TRIM2: variants seen among roughly 807,000 people sequenced by gnomAD.
The protein encoded by TRIM2 is tripartite motif-containing protein 2.
TRIM2 carries 20 observed loss-of-function variants against 75.2 expected under a neutral mutation model. The ratio of observed to expected loss-of-function variants is 0.27; its 90% CI spans 0.19 to 0.39. TRIM2 has a LOEUF of 0.39. TRIM2 is among the 10% of genes least tolerant of loss of function. The probability of loss-of-function intolerance (pLI) is 1.00; values close to 1 mark genes in which losing one functional copy is unlikely to be tolerated. For synonymous variants in TRIM2, 373 were observed against 388.3 expected (o/e 0.96, Z 0.46); for missense variants, 660 against 990.8 (o/e 0.67, Z 4.48).
rs10016253 is a variant in TRIM2, at chr4:153,253,673, G to C, written c.31-16662G>C. 8.6e-3 allele frequency among the ~76,000 whole-genome samples: 1,316 copies of C among 152,266 alleles called. 20 individuals are homozygous for C. The highest frequency in any genetic ancestry group is 0.03 in the African/African-American group (1,247 of 41,532). On this transcript the variant is annotated intron_variant, in intron 1 of 11. Coordinates refer to ENST00000338700, the MANE Select transcript of TRIM2 (RefSeq NM_015271.5). ...CATACAGACCTTGCTGATAAAACAG[G>C]TTGTAGTAAAGGAGCCGGCCCAAAC...
chr4:153,316,320 A>T (rs1767576542), intron 8 of TRIM2, among the ~76,000 whole-genome samples: 2 of 152,232 alleles, frequency 1.3e-5, no homozygotes. Context: ...CAAAAGAGTT[A>T]TTAAGAGGCA....
chr4:153,338,487 G>T lies in TRIM2; in HGVS notation c.*3521G>T, dbSNP rs867042400. 120 of 985,306 alleles carry T rather than the reference G, an allele frequency of 1.2e-4. No homozygotes were observed. The African/African-American group carries it at 1.9e-3, about 16-fold the overall frequency. The allele number at this position is 985,306 out of a possible 1,614,324, so 61.0% of individuals were successfully genotyped here. On this transcript the variant is annotated 3_prime_UTR_variant, in exon 12 of 12. Transcript: ENST00000338700. ...CTAATTTAGCTTAAAAGTGAAAGTGGTAATACTGTTGGTTTCTGTAAATGT... is the reference window on the plus strand; with the variant it reads ...CTAATTTAGCTTAAAAGTGAAAGTGTTAATACTGTTGGTTTCTGTAAATGT...
Position 153,269,569 on chromosome 4 carries a change from T to A in TRIM2, c.31-766T>A, listed in dbSNP as rs114956522. ...CTTATATCAAAGTGACATATTTTGA[T>A]GTGACACAGTCCAACCTCTTCAACT... On this transcript the variant is annotated intron_variant, in intron 1 of 11. Coordinates refer to ENST00000338700, the MANE Select transcript of TRIM2 (RefSeq NM_015271.5). Among the ~76,000 whole-genome samples, 1,434 of 152,340 alleles carry A rather than the reference T, an allele frequency of 9.4e-3. 19 individuals are homozygous for A. The highest frequency in any genetic ancestry group is 0.03 in the African/African-American group (1,267 of 41,572).
intron 1 of TRIM2, among the ~76,000 whole-genome samples, chr4:153,220,301 C>T (rs1008950439): frequency 1.3e-5 from 2 of 151,716 alleles, no homozygotes; most frequent in Non-Finnish European, 2.9e-5. Flanking sequence ...AATCAAAGTT[C>T]TAAGGCAATA....
At chr4:153,216,377 C>A (rs1335050846) in intron 1 of TRIM2, among the ~76,000 whole-genome samples, 1 of 152,130 alleles carries the variant, frequency 6.6e-6, no homozygotes, top group African/African-American at 2.4e-5. Context: ...TACTTACTTT[C>A]CTGTGCTGAC....
In TRIM2 at chr4:153,338,861, T is replaced by A; in HGVS notation, c.*3895T>A. 2 of 985,820 alleles carry A rather than the reference T, an allele frequency of 2.0e-6. No homozygotes were observed. The highest frequency in any genetic ancestry group is 2.4e-6 in the Non-Finnish European group (2 of 829,902). The allele number at this position is 985,820 out of a possible 1,614,324, so 61.1% of individuals were successfully genotyped here. A position where few individuals can be genotyped will look rare whatever the true frequency, so the allele number is the denominator to read the frequency against. ...GCTTTTGCTTTATGACATGGGAATG[T>A]TCTGTCATCAATGGAGTGTATTCTT... On this transcript the variant is annotated 3_prime_UTR_variant, in exon 12 of 12. Coordinates refer to ENST00000338700, the MANE Select transcript of TRIM2 (RefSeq NM_015271.5).
intron 1 of TRIM2, among the ~76,000 whole-genome samples, chr4:153,161,628 G>A (rs1026895231): frequency 1.3e-5 from 2 of 152,120 alleles, no homozygotes; most frequent in African/African-American, 2.4e-5. Flanking sequence ...TGAGTGCTTC[G>A]TGCTCAAAGA....
intron 6 of TRIM2, among the ~76,000 whole-genome samples, chr4:153,296,507 A>G (rs555233084): frequency 7.9e-4 from 120 of 152,342 alleles, no homozygotes; most frequent in African/African-American, 2.8e-3. Context: ...CTGTCACTGC[A>G]TCGGCATTGC....
intron 3 of TRIM2, among the ~76,000 whole-genome samples, chr4:153,280,341 A>G (rs1387142761): frequency 4.0e-5 from 6 of 150,816 alleles, no homozygotes; most frequent in Non-Finnish European, 2.9e-5. Context: ...TTAATTAATG[A>G]CATTGGCTGT....
chr4:153,296,439 G>C (rs1762787116), intron 6 of TRIM2, among the ~76,000 whole-genome samples: 1 of 152,210 alleles, frequency 6.6e-6, no homozygotes, highest in Admixed American at 6.5e-5. Flanking sequence ...TCTTCCCTGG[G>C]AGGGTCTTCT....
In TRIM2 at chr4:153,336,812, GATTTAC is replaced by G. The variant is rs1192215350; in HGVS notation, c.*1852_*1857del. The G allele has an allele frequency of 1.0e-6, 1 of 985,400 alleles. No individual in the cohort carries two copies. Among genetic ancestry groups the G allele is most frequent in the African/African-American group, 1.7e-5 (1 of 57,200 alleles). 61.0% of individuals were successfully genotyped at this position (985,400 alleles called of 1,614,324 possible). On this transcript the variant is annotated 3_prime_UTR_variant, in exon 12 of 12. Transcript: ENST00000338700. ...CTCTGAAAAAAGGTTTTTCCAGGAAGATTTACATTTAGGTTTAATATTTTTTTAGTT... is the reference window on the plus strand; with the variant it reads ...CTCTGAAAAAAGGTTTTTCCAGGAAGATTTAGGTTTAATATTTTTTTAGTT...
chr4:153,230,258 G>A (rs1302729867), intron 1 of TRIM2, among the ~76,000 whole-genome samples: 2 of 151,938 alleles, frequency 1.3e-5, no homozygotes, highest in Non-Finnish European at 2.9e-5. Context: ...ATGGCTCACT[G>A]CAGCCTTTGC....
intron 1 of TRIM2, among the ~76,000 whole-genome samples, chr4:153,228,246 A>C (rs1184206334): frequency 6.6e-6 from 1 of 151,882 alleles, no homozygotes; most frequent in Non-Finnish European, 1.5e-5. Flanking sequence ...CATCCTTGTC[A>C]CTCCATTTCC....
chr4:153,254,450 T>G (rs1356536484), intron 1 of TRIM2, among the ~76,000 whole-genome samples: 2 of 152,186 alleles, frequency 1.3e-5, no homozygotes, highest in African/African-American at 4.8e-5. Flanking sequence ...AAGAAGTCAA[T>G]AAGGTGTGCA....
At chr4:153,239,571 T>C (rs1745965518) in intron 1 of TRIM2, among the ~76,000 whole-genome samples, 1 of 152,178 alleles carries the variant, frequency 6.6e-6, no homozygotes, top group Non-Finnish European at 1.5e-5. Context: ...GTGCCTTGTG[T>C]CTAGTAAGCA....
At chr4:153,218,994 ACC>A (rs33910814) in intron 1 of TRIM2, among the ~76,000 whole-genome samples, 1 of 151,722 alleles carries the variant, frequency 6.6e-6, no homozygotes, top group African/African-American at 2.4e-5. Flanking sequence ...CCTTGTCCTG[ACC>A]CCCCCCATTC....
rs1772467317 is a variant in TRIM2, at chr4:153,336,465, A to G, written c.*1499A>G. 1 of 985,656 alleles carries G rather than the reference A, an allele frequency of 1.0e-6. No homozygotes were observed. Among genetic ancestry groups the G allele is most frequent in the Admixed American group, 6.2e-5 (1 of 16,258 alleles). 61.1% of individuals were successfully genotyped at this position (985,656 alleles called of 1,614,324 possible). A position where few individuals can be genotyped will look rare whatever the true frequency, so the allele number is the denominator to read the frequency against. On this transcript the variant is annotated 3_prime_UTR_variant, in exon 12 of 12. Transcript: ENST00000338700. Reference sequence around the variant, plus strand: ...TAAATGCATTTTGAGAAATGTTAAGAACAATTTAGTCAATCGTTCATCTGT... The same window carrying G: ...TAAATGCATTTTGAGAAATGTTAAGGACAATTTAGTCAATCGTTCATCTGT...
chr4:153,317,172 G>A (rs1000872697), intron 8 of TRIM2, among the ~76,000 whole-genome samples: 2 of 150,162 alleles, frequency 1.3e-5, no homozygotes, highest in Admixed American at 6.6e-5. Flanking sequence ...GAGCCACCAC[G>A]CCTGGCCGCA....
intron 1 of TRIM2, among the ~76,000 whole-genome samples, chr4:153,163,472 C>G (rs1391276229): frequency 2.0e-5 from 3 of 148,562 alleles, no homozygotes; most frequent in Admixed American, 2.0e-4. Context: ...GCATGAACCA[C>G]TGCACCCAAC....
Sources: allele counts gnomAD v4.1 joint callset (sites outside exome capture counted in the v4.1 genomes callset), GRCh38; gene constraint gnomAD v4.1.1; transcripts MANE v1.5; gene names NCBI Gene and HGNC (gene_info 2026-07-23, HGNC 2026-07-21).